MYBPC1: variants seen among roughly 807,000 people sequenced by gnomAD.
MYBPC1 encodes myosin-binding protein C, slow-type.
Under a neutral mutation model 147.1 loss-of-function variants are expected in MYBPC1, and 52 were observed. That is an observed-to-expected ratio of 0.35 (90% CI 0.28 to 0.45). The LOEUF (loss-of-function observed/expected upper bound fraction) is 0.45, where lower values mean the gene tolerates loss of function less well. Ranked by LOEUF, MYBPC1 falls within the 20% of genes least tolerant of loss-of-function variation. MYBPC1 has a pLI of 1.00. For synonymous variants in MYBPC1, 477 were observed against 475.9 expected (o/e 1.00, Z -0.03); for missense variants, 1,228 against 1,440.3 (o/e 0.85, Z 2.39).
intron 1 of MYBPC1, among the ~76,000 whole-genome samples, chr12:101,612,160 G>A (rs1884545109): frequency 6.6e-6 from 1 of 151,920 alleles, no homozygotes; most frequent in South Asian, 2.1e-4. Context: ...ATTGCCAAAT[G>A]ATAGTAATGG....
chr12:101,614,353 G>T, intron 1 of MYBPC1, 143 bp from the exon 2 acceptor site: 1 of 800,746 alleles, frequency 1.2e-6, no homozygotes, highest in Non-Finnish European at 2.1e-6. Context: ...AGAGAAGAGA[G>T]AATGTGTTTC....
In MYBPC1 at chr12:101,685,749, A is replaced by C; in HGVS notation, c.*187A>C. 1.7e-6 allele frequency: 2 copies of C among 1,190,686 alleles called. No individual in the cohort carries two copies. The highest frequency in any genetic ancestry group is 2.5e-5 in the Admixed American group (1 of 40,444). 73.8% of individuals were successfully genotyped at this position (1,190,686 alleles called of 1,614,324 possible). ...AAATCTGGTTGAAATGAGAAAAAGC[A>C]TTTTCTGTTTTCCCACCAGGCCCCC... On this transcript the variant is annotated 3_prime_UTR_variant, in exon 32 of 32. Coordinates refer to ENST00000361466, the MANE Select transcript of MYBPC1 (RefSeq NM_002465.4).
chr12:101,624,808 T>C (rs928862640), intron 3 of MYBPC1, among the ~76,000 whole-genome samples: 1 of 150,916 alleles, frequency 6.6e-6, no homozygotes, highest in Non-Finnish European at 1.5e-5. Context: ...AGTTTATGCT[T>C]TGGGAAGAGC....
chr12:101,611,620 A>T (rs1884300040), intron 1 of MYBPC1, among the ~76,000 whole-genome samples: 1 of 152,244 alleles, frequency 6.6e-6, no homozygotes, highest in African/African-American at 2.4e-5. Context: ...ATGAGATACC[A>T]GGGAGATAAG....
intron 1 of MYBPC1, among the ~76,000 whole-genome samples, chr12:101,603,612 T>C (rs191706414): frequency 6.6e-6 from 1 of 152,218 alleles, no homozygotes; most frequent in East Asian, 1.9e-4. Context: ...GCAAGGCCTT[T>C]AAGAAATTTA....
chr12:101,664,097 G>A (rs546606989), intron 22 of MYBPC1, among the ~76,000 whole-genome samples: 1 of 152,056 alleles, frequency 6.6e-6, no homozygotes, highest in Non-Finnish European at 1.5e-5. Context: ...TAAGAAATAA[G>A]TTCAATATGT....
At chr12:101,627,971 A>G (rs950345954) in intron 5 of MYBPC1, 167 bp downstream of exon 5, 14 of 802,530 alleles carry the variant, frequency 1.7e-5, no homozygotes, top group Non-Finnish European at 2.8e-5. Flanking sequence ...GTATTGAGAA[A>G]CAATTAATTT....
chr12:101,665,113 C>A (rs1897209486), intron 22 of MYBPC1, among the ~76,000 whole-genome samples: 1 of 151,948 alleles, frequency 6.6e-6, no homozygotes, highest in Non-Finnish European at 1.5e-5. Flanking sequence ...TTGATGTTAC[C>A]CACCTTAGAT....
At chr12:101,598,019 T>TC (rs1198493080) in intron 1 of MYBPC1, among the ~76,000 whole-genome samples, 1 of 147,112 alleles carries the variant, frequency 6.8e-6, no homozygotes, top group Non-Finnish European at 1.5e-5. Context: ...CACCTTTCTT[T>TC]TTTTTTTTTT....
At chr12:101,616,666 T>G (rs1886166456) in intron 2 of MYBPC1, among the ~76,000 whole-genome samples, 1 of 152,198 alleles carries the variant, frequency 6.6e-6, no homozygotes. Context: ...GTTACTGCTC[T>G]TGTTTTGCAT....
intron 29 of MYBPC1, among the ~76,000 whole-genome samples, chr12:101,681,588 ATATATTTTTTTTTTTTTTTTTTTTT>A (rs1950992010): frequency 4.0e-5 from 1 of 25,120 alleles, no homozygotes; most frequent in Non-Finnish European, 6.4e-5. Context: ...ATATATATAT[ATATATTTTTTTTTTTTTTTTTTTTT>A]TTTTTTTTTT....
chr12:101,598,669 G>A lies in MYBPC1; in HGVS notation c.25+3574G>A, dbSNP rs1408362449. Among the ~76,000 whole-genome samples the A allele has an allele frequency of 3.3e-5, 5 of 152,066 alleles. No individual in the cohort carries two copies. In the South Asian group the frequency reaches 8.3e-4, roughly 25 times the overall value. ...GCTCACTGCAAACTCTGCCTCCCAG[G>A]CTCAAGCAATCCTCCCACCTCAGCC... On this transcript the variant is annotated intron_variant, in intron 1 of 31. Coordinates refer to ENST00000361466, the MANE Select transcript of MYBPC1 (RefSeq NM_002465.4).
chr12:101,678,597 C>T (rs530617345), intron 28 of MYBPC1, among the ~76,000 whole-genome samples: 11 of 152,162 alleles, frequency 7.2e-5, no homozygotes, highest in South Asian at 2.1e-4. Context: ...ACACTGTCTG[C>T]GATAGGTTAA....
chr12:101,653,321 C>T, intron 18 of MYBPC1, 73 bp downstream of exon 18: 1 of 1,567,322 alleles, frequency 6.4e-7, no homozygotes, highest in Non-Finnish European at 8.7e-7. Flanking sequence ...CACCCCTTGC[C>T]CTCCATTATT....
At chr12:101,654,196 ACT>A (rs1470629726) in intron 18 of MYBPC1, among the ~76,000 whole-genome samples, 5 of 152,154 alleles carry the variant, frequency 3.3e-5, no homozygotes, top group Non-Finnish European at 7.4e-5. Flanking sequence ...ACAGAGTGAG[ACT>A]CTATCTCAAA....
intron 14 of MYBPC1, 86 bp downstream of exon 14, chr12:101,648,236 CT>C: frequency 1.1e-6 from 1 of 920,964 alleles, no homozygotes; most frequent in East Asian, 2.7e-5. Flanking sequence ...GTACAAATAG[CT>C]TTTAAACCTT....
intron 17 of MYBPC1, 85 bp from the exon 18 acceptor site, chr12:101,653,030 A>G: frequency 6.6e-7 from 1 of 1,513,060 alleles, no homozygotes; most frequent in South Asian, 1.1e-5. Context: ...AATATTGGTT[A>G]CTACCATCAT....
intron 20 of MYBPC1, among the ~76,000 whole-genome samples, chr12:101,661,937 C>A (rs1227849039): frequency 3.3e-5 from 3 of 91,264 alleles, no homozygotes; most frequent in Non-Finnish European, 4.8e-5. Flanking sequence ...TATTTAAATG[C>A]TTAGAAGCAT....
chr12:101,639,988 A>G (rs1891706732), intron 10 of MYBPC1, among the ~76,000 whole-genome samples: 1 of 151,974 alleles, frequency 6.6e-6, no homozygotes. Flanking sequence ...CGCAGAAAAT[A>G]TATACATATG....
Sources: allele counts gnomAD v4.1 joint callset (sites outside exome capture counted in the v4.1 genomes callset), GRCh38; gene constraint gnomAD v4.1.1; transcripts MANE v1.5; gene names NCBI Gene and HGNC (gene_info 2026-07-23, HGNC 2026-07-21).